The following KLHDC7A variants were observed in gnomAD, a reference collection of about 807,000 sequenced individuals.
The protein encoded by KLHDC7A is kelch domain containing 7A, also known as kelch domain-containing protein 7A.
For missense variants in KLHDC7A, 1,123 were observed against 1,052.6 expected, an observed-to-expected ratio of 1.07 and a Z score of -0.93; for synonymous variants, 464 against 461.0, an observed-to-expected ratio of 1.01 and a Z score of -0.08.
chr1:18,483,055 G>A lies in KLHDC7A; in HGVS notation c.2074G>A (p.Val692Met), dbSNP rs185356965. 2.5e-6 allele frequency: 4 copies of A among 1,613,604 alleles called. No individual in the cohort carries two copies. Among genetic ancestry groups the A allele is most frequent in the East Asian group, 4.5e-5 (2 of 44,864 alleles). ...FDLNRSLGIAVYRCSASTRLW... is the reference protein window; with the variant it reads ...FDLNRSLGIAMYRCSASTRLW... The stretch of plus-strand genomic sequence containing the variant: ...CCTCAACCGCAGCCTGGGCATCGCC[G>A]TGTACCGCTGCAGCGCCAGCACCCG... The change falls in exon 1 of 1, where the codon GTG (valine) becomes ATG (methionine). Residue 692 changes from valine to methionine, a missense_variant. Transcript: ENST00000400664.
Position 18,481,575 on chromosome 1 carries a change from A to G in KLHDC7A, c.594A>G (p.Gly198=), listed in dbSNP as rs7528572. Residue 198 remains glycine, a synonymous_variant, in exon 1 of 1, where the codon GGA becomes GGG. Coordinates refer to ENST00000400664, the MANE Select transcript of KLHDC7A (RefSeq NM_152375.3). ...WQDSKPREHP[G]LGQLEPPHCH... Reference sequence around the variant, plus strand: ...ACAGTAAACCCCGTGAGCATCCAGGACTGGGGCAACTAGAACCTCCCCACT... The same window carrying G: ...ACAGTAAACCCCGTGAGCATCCAGGGCTGGGGCAACTAGAACCTCCCCACT... The G allele has an allele frequency of 0.12, 192,525 of 1,613,454 alleles. 11,956 individuals carry two copies. Among genetic ancestry groups the G allele is most frequent in the Admixed American group, 0.15 (8,975 of 60,010 alleles).
chr1:18,483,680 G>C lies in KLHDC7A; in HGVS notation c.*365G>C. On this transcript the variant is annotated 3_prime_UTR_variant, in exon 1 of 1. Coordinates refer to ENST00000400664, the MANE Select transcript of KLHDC7A (RefSeq NM_152375.3). ...TTTGCAATCACAATTCTAGGAGCCA[G>C]TTGACCCCAGCAGCCCCTCGCTAGT... 8.3e-7 allele frequency: 1 copy of C among 1,198,256 alleles called. No homozygotes were observed. The highest frequency in any genetic ancestry group is 1.1e-6 in the Non-Finnish European group (1 of 943,210). The allele number at this position is 1,198,256 out of a possible 1,614,324, so 74.2% of individuals were successfully genotyped here.
Position 18,484,214 on chromosome 1 carries a change from T to G in KLHDC7A, c.*899T>G, listed in dbSNP as rs369851742. ...TCAGCACTTCAGGGTGACAGCATAA[T>G]TTGCCCTCCTTGTGCCAGGTACGGT... On this transcript the variant is annotated 3_prime_UTR_variant, in exon 1 of 1. Coordinates refer to ENST00000400664, the MANE Select transcript of KLHDC7A (RefSeq NM_152375.3). 41 of 409,978 alleles carry G rather than the reference T, an allele frequency of 1.0e-4. 1 individual carries two copies. Among genetic ancestry groups the G allele is most frequent in the South Asian group, 5.9e-4 (29 of 48,912 alleles). 25.4% of individuals were successfully genotyped at this position (409,978 alleles called of 1,614,324 possible).
Position 18,481,871 on chromosome 1 carries a change from C to A in KLHDC7A, c.890C>A (p.Thr297Asn). ...GKVYDYYVES[T>N]SQAIFQGRLA... ...GTGTACGACTACTATGTGGAATCTA[C>A]CTCTCAGGCCATCTTCCAGGGCAGG... Residue 297 changes from threonine to asparagine, a missense_variant, in exon 1 of 1, where the codon ACC becomes AAC. Coordinates refer to ENST00000400664, the MANE Select transcript of KLHDC7A (RefSeq NM_152375.3). The A allele has an allele frequency of 1.2e-6, 2 of 1,613,858 alleles. No individual in the cohort carries two copies. Among genetic ancestry groups the A allele is most frequent in the Non-Finnish European group, 1.7e-6 (2 of 1,179,884 alleles).
In KLHDC7A at chr1:18,482,572, C is replaced by T. The variant is rs1249354600; in HGVS notation, c.1591C>T (p.Arg531Trp). ...LARMPPEAVS[R>W]GCAICSLFNY... is the part of the protein sequence containing the mutation. ...TCGCATGCCCCCCGAGGCCGTGTCC[C>T]GGGGCTGTGCCATCTGCAGTCTCTT... The change falls in exon 1 of 1, where the codon CGG (arginine) becomes TGG (tryptophan). Residue 531 changes from arginine to tryptophan, a missense_variant. By Grantham distance (101) the Arg-to-Trp change is moderately radical (BLOSUM62 -3). Coordinates refer to ENST00000400664, the MANE Select transcript of KLHDC7A (RefSeq NM_152375.3). The T allele has an allele frequency of 6.2e-7, 1 of 1,611,770 alleles. No individual in the cohort carries two copies. Among genetic ancestry groups the T allele is most frequent in the Non-Finnish European group, 8.5e-7 (1 of 1,179,926 alleles).
chr1:18,483,869 G>A lies in KLHDC7A; in HGVS notation c.*554G>A, dbSNP rs1477169764. 2 of 1,274,954 alleles carry A rather than the reference G, an allele frequency of 1.6e-6. No individual in the cohort carries two copies. The highest frequency in any genetic ancestry group is 1.5e-5 in the African/African-American group (1 of 64,910). 79.0% of individuals were successfully genotyped at this position (1,274,954 alleles called of 1,614,324 possible). A position where few individuals can be genotyped will look rare whatever the true frequency, so the allele number is the denominator to read the frequency against. ...AGGAAGGAGCCGAGGGAGCCCCAGG[G>A]GCCCTGGCCAGAGGGAGTGGTGGTT... On this transcript the variant is annotated 3_prime_UTR_variant, in exon 1 of 1. Coordinates refer to ENST00000400664, the MANE Select transcript of KLHDC7A (RefSeq NM_152375.3).
chr1:18,484,435 CA>C lies in KLHDC7A; in HGVS notation c.*1121del, dbSNP rs2086920797. The C allele has an allele frequency of 5.0e-6, 1 of 201,194 alleles. No individual in the cohort carries two copies. The highest frequency in any genetic ancestry group is 1.1e-5 in the Non-Finnish European group (1 of 89,432). 12.5% of individuals were successfully genotyped at this position (201,194 alleles called of 1,614,324 possible). On this transcript the variant is annotated 3_prime_UTR_variant, in exon 1 of 1. Coordinates refer to ENST00000400664, the MANE Select transcript of KLHDC7A (RefSeq NM_152375.3). Reference sequence around the variant, plus strand: ...GAGAGCCTGACCCAGTGTATTACCACAGCCCTTGTTCCACCTCTGAGGGAGA... The same window carrying C: ...GAGAGCCTGACCCAGTGTATTACCACGCCCTTGTTCCACCTCTGAGGGAGA...
Position 18,484,138 on chromosome 1 carries a change from C to A in KLHDC7A, c.*823C>A. ...ATGTTAACTGACCATTGCACTCATT[C>A]TCAGATCTGTAGCCGTCTTCCTGTC... On this transcript the variant is annotated 3_prime_UTR_variant, in exon 1 of 1. Coordinates refer to ENST00000400664, the MANE Select transcript of KLHDC7A (RefSeq NM_152375.3). 1 of 859,256 alleles carries A rather than the reference C, an allele frequency of 1.2e-6. No homozygotes were observed. Among genetic ancestry groups the A allele is most frequent in the Non-Finnish European group, 1.7e-6 (1 of 585,554 alleles). The allele number at this position is 859,256 out of a possible 1,614,324, so 53.2% of individuals were successfully genotyped here.
Position 18,485,195 on chromosome 1 carries a change from G to A in KLHDC7A, c.*1880G>A, listed in dbSNP as rs1311264577. ...GAACTCTACATAGGAGCTGGGGGCA[G>A]GTGGACCTAGATCCAACCTTCAACC... On this transcript the variant is annotated 3_prime_UTR_variant, in exon 1 of 1. Transcript: ENST00000400664. 3 of 166,856 alleles carry A rather than the reference G, an allele frequency of 1.8e-5. No individual in the cohort carries two copies. Among genetic ancestry groups the A allele is most frequent in the Non-Finnish European group, 4.4e-5 (3 of 68,214 alleles). 10.3% of individuals were successfully genotyped at this position (166,856 alleles called of 1,614,324 possible).
At position 18,482,549 on chromosome 1, in the gene KLHDC7A, G is replaced by A. The variant is rs769964876; in HGVS notation, c.1568G>A (p.Arg523His). The change falls in exon 1 of 1, where the codon CGC becomes CAC. Residue 523 changes from arginine (R) to histidine (H), a missense_variant. Coordinates refer to ENST00000400664, the MANE Select transcript of KLHDC7A (RefSeq NM_152375.3). ...CAGGATGTCTGGCGCCCGCTGGCTCGCATGCCCCCCGAGGCCGTGTCCCGG... is the reference window on the plus strand; with the variant it reads ...CAGGATGTCTGGCGCCCGCTGGCTCACATGCCCCCCGAGGCCGTGTCCCGG... ...DEQDVWRPLA[R>H]MPPEAVSRGC... 2 of 1,611,838 alleles carry A rather than the reference G, an allele frequency of 1.2e-6. No individual in the cohort carries two copies. Among genetic ancestry groups the A allele is most frequent in the Non-Finnish European group, 1.7e-6 (2 of 1,179,920 alleles).
Position 18,482,868 on chromosome 1 carries a change from C to G in KLHDC7A, c.1887C>G (p.Ala629=). Residue 629 remains alanine, a synonymous_variant, in exon 1 of 1, where the codon GCC becomes GCG. Coordinates refer to ENST00000400664, the MANE Select transcript of KLHDC7A (RefSeq NM_152375.3). The stretch of plus-strand genomic sequence containing the variant: ...ACACGTTCGCCCTGGCGCACACGGC[C>G]ACGGTGCGTGCCAAGGAAATCTTCG... ...PSDTFALAHT[A]TVRAKEIFVT... 2 of 1,611,802 alleles carry G rather than the reference C, an allele frequency of 1.2e-6. No homozygotes were observed. Among genetic ancestry groups the G allele is most frequent in the Non-Finnish European group, 1.7e-6 (2 of 1,179,696 alleles).
At position 18,483,351 on chromosome 1, in the gene KLHDC7A, GGCCACCGGGCTCCACT is replaced by G; in HGVS notation, c.*41_*56del. 6.3e-7 allele frequency: 1 copy of G among 1,585,540 alleles called. No individual in the cohort carries two copies. The highest frequency in any genetic ancestry group is 8.6e-7 in the Non-Finnish European group (1 of 1,163,666). ...ACTGAGCTCCTCATGCAAAGCTGGG[GGCCACCGGGCTCCACT>G]GCCAGCCGTCCCTCTGGGGGCCATT... On this transcript the variant is annotated 3_prime_UTR_variant, in exon 1 of 1. Transcript: ENST00000400664.
In KLHDC7A at chr1:18,481,415, C is replaced by T; in HGVS notation, c.434C>T (p.Thr145Ile). 1 of 1,613,820 alleles carries T rather than the reference C, an allele frequency of 6.2e-7. No homozygotes were observed. Among genetic ancestry groups the T allele is most frequent in the Non-Finnish European group, 8.5e-7 (1 of 1,179,966 alleles). ...QVPPCCPSQE[T>I]RTAVGSNPDP... ...CCTCCTTGCTGCCCCAGCCAGGAAA[C>T]CAGAACAGCTGTTGGCAGTAACCCT... The change falls in exon 1 of 1, where the codon ACC becomes ATC. Residue 145 changes from threonine to isoleucine, a missense_variant. Coordinates refer to ENST00000400664, the MANE Select transcript of KLHDC7A (RefSeq NM_152375.3).
rs369393242 is a variant in KLHDC7A, at chr1:18,481,952, G to T, written c.971G>T (p.Gly324Val). 1.2e-6 allele frequency: 2 copies of T among 1,613,092 alleles called. No individual in the cohort carries two copies. The highest frequency in any genetic ancestry group is 2.2e-5 in the East Asian group (1 of 44,886). The part of the protein sequence containing the change: ...TEVPSPRPPP[G>V]SLGTGAASGG... ...GTTCCATCCCCTAGGCCACCGCCAG[G>T]GTCCCTGGGAACAGGGGCTGCCTCG... is the stretch of plus-strand genomic sequence containing the variant. The change falls in exon 1 of 1, where the codon GGG (glycine) becomes GTG (valine). Residue 324 changes from glycine (G) to valine (V), a missense_variant. Physicochemically the swap from Gly to Val is moderately radical, Grantham distance 109. Transcript: ENST00000400664.
Position 18,481,770 on chromosome 1 carries a change from A to T in KLHDC7A, c.789A>T (p.Ser263=), listed in dbSNP as rs2086891822. The stretch of plus-strand genomic sequence containing the variant: ...CCCCCAACTCCTCCTATACCTTCTC[A>T]TCCATAGCCCGCGTCCGAATGGAGG... ...EGAPNSSYTF[S]SIARVRMEEH... Residue 263 remains serine (S), a synonymous_variant, in exon 1 of 1, where the codon TCA becomes TCT. Coordinates refer to ENST00000400664, the MANE Select transcript of KLHDC7A (RefSeq NM_152375.3). 1 of 1,613,486 alleles carries T rather than the reference A, an allele frequency of 6.2e-7. No homozygotes were observed. The highest frequency in any genetic ancestry group is 1.3e-5 in the African/African-American group (1 of 74,880).
At position 18,483,243 on chromosome 1, in the gene KLHDC7A, G is replaced by A. The variant is rs760748321; in HGVS notation, c.2262G>A (p.Pro754=). The A allele has an allele frequency of 8.1e-6, 13 of 1,613,732 alleles. No individual in the cohort carries two copies. Among genetic ancestry groups the A allele is most frequent in the African/African-American group, 2.7e-5 (2 of 74,912 alleles). ...TGCCCAAGGAGCTGCGGAGTTTCCC[G>A]GCCCCGCAGGGCACCCTCCTGCCCA... ...RFVPKELRSF[P]APQGTLLPTV... The change falls in exon 1 of 1, where the codon CCG becomes CCA. Residue 754 remains proline (P), a synonymous_variant. Coordinates refer to ENST00000400664, the MANE Select transcript of KLHDC7A (RefSeq NM_152375.3).
rs1048987957 is a variant in KLHDC7A, at chr1:18,482,157, G to A, written c.1176G>A (p.Pro392=). ...TCCCCGCTCCACCCTGCCCAGACCC[G>A]GGCGCCCTGCCTGGCTTAGGCAGAA... ...FRLPAPPCPD[P]GALPGLGRSS... is the part of the protein sequence containing the mutation. Residue 392 remains proline, a synonymous_variant, in exon 1 of 1, where the codon CCG becomes CCA. Transcript: ENST00000400664. The A allele has an allele frequency of 9.3e-6, 15 of 1,611,496 alleles. No homozygotes were observed. The highest frequency in any genetic ancestry group is 5.3e-5 in the African/African-American group (4 of 74,940).
At position 18,483,194 on chromosome 1, in the gene KLHDC7A, C is replaced by G; in HGVS notation, c.2213C>G (p.Ala738Gly). 1 of 1,614,076 alleles carries G rather than the reference C, an allele frequency of 6.2e-7. No homozygotes were observed. The highest frequency in any genetic ancestry group is 2.2e-5 in the East Asian group (1 of 44,870). The change falls in exon 1 of 1, where the codon GCA (alanine) becomes GGA (glycine). Residue 738 changes from alanine to glycine, a missense_variant. Transcript: ENST00000400664. ...CGCCGGAGCACCCTCTGCTTCCTAG[C>G]AGACTCTGTCTCACCCAGGTTTGTG... ...VGRRSTLCFL[A>G]DSVSPRFVPK...
At position 18,481,022 on chromosome 1, in the gene KLHDC7A, A is replaced by T. The variant is rs771037428; in HGVS notation, c.41A>T (p.Asp14Val). 1.9e-6 allele frequency: 3 copies of T among 1,611,352 alleles called. No individual in the cohort carries two copies. The South Asian group carries it at 3.3e-5, about 18-fold the overall frequency. ...GCAGAGGCCCAGGACTGGCATTTGGATATGCAGCTGACCGGCAAGGTGGTG... is the reference window on the plus strand; with the variant it reads ...GCAGAGGCCCAGGACTGGCATTTGGTTATGCAGCTGACCGGCAAGGTGGTG... ...RGAEAQDWHL[D>V]MQLTGKVVLS... The change falls in exon 1 of 1, where the codon GAT (aspartate) becomes GTT (valine). Residue 14 changes from aspartate (D) to valine (V), a missense_variant. Asp to Val is a radical substitution (Grantham distance 152). Transcript: ENST00000400664.
Sources: gnomAD v4.1 joint callset for allele counts on GRCh38, gnomAD v4.1.1 for gene constraint, MANE v1.5 for transcripts, NCBI Gene and HGNC (gene_info 2026-07-23, HGNC 2026-07-21) for gene names.